The following COMMD9 variants were observed in gnomAD, a reference collection of about 807,000 sequenced individuals.
COMMD9 encodes COMM domain-containing protein 9.
Under a neutral mutation model 23.4 loss-of-function variants are expected in COMMD9, and 22 were observed. The ratio of observed to expected loss-of-function variants is 0.94; its 90% confidence interval spans 0.67 to 1.34. The LOEUF (loss-of-function observed/expected upper bound fraction) is 1.34, where lower values mean the gene tolerates loss of function less well. Among genes scored for constraint, COMMD9 ranks in the 40% most tolerant of loss-of-function variants. The probability of loss-of-function intolerance (pLI) is 0.00; values close to 1 mark genes in which losing one functional copy is unlikely to be tolerated. For missense variants in COMMD9, 231 were observed against 240.2 expected, an observed-to-expected ratio of 0.96 and a Z score of 0.25; for synonymous variants, 99 against 97.4, an observed-to-expected ratio of 1.02 and a Z score of -0.10.
chr11:36,276,088 G>GCCAT, intron 5 of COMMD9, 49 bp downstream of exon 5: 2 of 1,356,600 alleles, frequency 1.5e-6, no homozygotes, highest in Non-Finnish European at 2.1e-6. Flanking sequence ...GTTTTAGACG[G>GCCAT]CCATAGGGGT....
intron 2 of COMMD9, among the ~76,000 whole-genome samples, chr11:36,280,353 G>C (rs1856044781): frequency 6.6e-6 from 1 of 152,178 alleles, no homozygotes; most frequent in African/African-American, 2.4e-5. Context: ...ATGGAATCTA[G>C]CAGTGCCTAC....
At chr11:36,287,549 C>G (rs1400716492) in intron 1 of COMMD9, among the ~76,000 whole-genome samples, 1 of 150,962 alleles carries the variant, frequency 6.6e-6, no homozygotes, top group Non-Finnish European at 1.5e-5. Flanking sequence ...TGGGATCTCT[C>G]TATATTATTT....
chr11:36,277,677 C>G (rs145495053), intron 3 of COMMD9, among the ~76,000 whole-genome samples: 2 of 151,660 alleles, frequency 1.3e-5, no homozygotes, highest in African/African-American at 4.9e-5. Context: ...TTAAAATGTA[C>G]GTGTTTAAAA....
At chr11:36,278,223 G>T (rs1856006858) in intron 3 of COMMD9, 2 of 387,480 alleles carry the variant, frequency 5.2e-6, no homozygotes, top group African/African-American at 4.3e-5. Context: ...GATCCATTTT[G>T]TAAAAACAAA....
chr11:36,286,440 A>AT (rs1357238415), intron 1 of COMMD9, among the ~76,000 whole-genome samples: 1 of 31,768 alleles, frequency 3.1e-5, no homozygotes, highest in Non-Finnish European at 5.8e-5. Flanking sequence ...GAAAGAAAAG[A>AT]AAAAAAAAAT....
intron 1 of COMMD9, among the ~76,000 whole-genome samples, chr11:36,287,018 G>A (rs1264511592): frequency 3.3e-5 from 5 of 151,588 alleles, no homozygotes; most frequent in Non-Finnish European, 7.4e-5. Flanking sequence ...CCCCTATGCA[G>A]AACCATACAT....
chr11:36,279,014 AG>A lies in COMMD9; in HGVS notation c.178-399del, dbSNP rs1278336649. On this transcript the variant is annotated intron_variant, in intron 2 of 5. Coordinates refer to ENST00000263401, the MANE Select transcript of COMMD9 (RefSeq NM_014186.4). ...TACTAAGCAACACTGCATTGGTCCA[AG>A]GCTCTGGACTGAGAGGACTGCATAA... Among the ~76,000 whole-genome samples the A allele has an allele frequency of 1.7e-4, 26 of 152,320 alleles. No homozygotes were observed. The East Asian group carries it at 4.1e-3, about 24-fold the overall frequency.
At chr11:36,281,930 G>A (rs1169213098) in intron 1 of COMMD9, among the ~76,000 whole-genome samples, 7 of 151,968 alleles carry the variant, frequency 4.6e-5, no homozygotes, top group East Asian at 1.9e-4. Flanking sequence ...TTTTAAAATC[G>A]CCTCCTCAGC....
intron 1 of COMMD9, among the ~76,000 whole-genome samples, 161 bp from the exon 2 acceptor site, chr11:36,280,998 TA>T: frequency 6.6e-6 from 1 of 152,236 alleles, no homozygotes; most frequent in Non-Finnish European, 1.5e-5. Flanking sequence ...TACTTTTCCC[TA>T]ATCTTGCTGC....
At position 36,272,585 on chromosome 11, in the gene COMMD9, G is replaced by T. The variant is rs1221416456; in HGVS notation, c.*2047C>A. On this transcript the variant is annotated 3_prime_UTR_variant, in exon 6 of 6. Coordinates refer to ENST00000263401, the MANE Select transcript of COMMD9 (RefSeq NM_014186.4). Reference sequence around the variant, plus strand: ...GGGTATGACCAGGGGCTCTCAACTTGGAAGTAGCGGGCTGGCTTCTGGGGT... The same window carrying T: ...GGGTATGACCAGGGGCTCTCAACTTTGAAGTAGCGGGCTGGCTTCTGGGGT... The T allele has an allele frequency of 6.6e-6, 1 of 152,212 alleles. No individual in the cohort carries two copies. The highest frequency in any genetic ancestry group is 6.5e-5 in the Admixed American group (1 of 15,282). 9.4% of individuals were successfully genotyped at this position (152,212 alleles called of 1,614,324 possible).
chr11:36,280,950 T>C, intron 1 of COMMD9, 113 bp from the exon 2 acceptor site: 1 of 1,104,286 alleles, frequency 9.1e-7, no homozygotes, highest in South Asian at 2.0e-5. Flanking sequence ...ATTTTAAAGG[T>C]ACATAAGACT....
chr11:36,275,115 G>A (rs1393325270), intron 5 of COMMD9, among the ~76,000 whole-genome samples: 1 of 152,214 alleles, frequency 6.6e-6, no homozygotes, highest in East Asian at 1.9e-4. Flanking sequence ...AGCAGGTTCT[G>A]TTGGATACTT....
rs1432339090 is a variant in COMMD9 at position 36,280,768 on chromosome 11, T to C, written c.121A>G (p.Lys41Glu). Residue 41 changes from lysine (K) to glutamate (E), a missense_variant, in exon 2 of 6, where the codon AAA becomes GAA. Lys to Glu is a moderately conservative substitution (Grantham distance 56, BLOSUM62 1). Coordinates refer to ENST00000263401, the MANE Select transcript of COMMD9 (RefSeq NM_014186.4). ...CTGGAACATGTAACATCCAAGAGTTTTTTCAAGCCAAGGGCTGAACTGGAA... is the reference window on the plus strand; with the variant it reads ...CTGGAACATGTAACATCCAAGAGTTCTTTCAAGCCAAGGGCTGAACTGGAA... ...SFSSSALGLK[K>E]LLDVTCSSLS... The C allele has an allele frequency of 6.2e-7, 1 of 1,611,020 alleles. No homozygotes were observed. Among genetic ancestry groups the C allele is most frequent in the South Asian group, 1.1e-5 (1 of 90,730 alleles).
At chr11:36,288,528 C>T (rs1405594252) in intron 1 of COMMD9, among the ~76,000 whole-genome samples, 1 of 152,168 alleles carries the variant, frequency 6.6e-6, no homozygotes, top group African/African-American at 2.4e-5. Context: ...TCCGGCCAGG[C>T]GCGGTGGCTC....
At chr11:36,276,457 C>A in intron 4 of COMMD9, 1 of 485,222 alleles carries the variant, frequency 2.1e-6, no homozygotes, top group Non-Finnish European at 3.7e-6. Flanking sequence ...TTCACAGTGG[C>A]AGCGTATCCA....
chr11:36,284,802 G>A (rs1255629399), intron 1 of COMMD9, among the ~76,000 whole-genome samples: 1 of 152,000 alleles, frequency 6.6e-6, no homozygotes, highest in Non-Finnish European at 1.5e-5. Context: ...GAAGTCTCAG[G>A]GATATTTTAA....
In COMMD9 at chr11:36,274,082, T is replaced by C; in HGVS notation, c.*550A>G. 1 of 349,510 alleles carries C rather than the reference T, an allele frequency of 2.9e-6. No homozygotes were observed. The highest frequency in any genetic ancestry group is 2.2e-5 in the South Asian group (1 of 45,904). The allele number at this position is 349,510 out of a possible 1,614,324, so 21.7% of individuals were successfully genotyped here. ...AGGGAATTAGCACCCATTTCAGACT[T>C]CCTACACTGAAGAGGGGTTCCAGTA... On this transcript the variant is annotated 3_prime_UTR_variant, in exon 6 of 6. Transcript: ENST00000263401.
rs1446225385 is a variant in COMMD9, at chr11:36,272,410, C to T, written c.*2222G>A. 1.3e-5 allele frequency: 2 copies of T among 152,638 alleles called. No individual in the cohort carries two copies. Among genetic ancestry groups the T allele is most frequent in the Non-Finnish European group, 2.9e-5 (2 of 68,400 alleles). The allele number at this position is 152,638 out of a possible 1,614,324, so 9.5% of individuals were successfully genotyped here. On this transcript the variant is annotated 3_prime_UTR_variant, in exon 6 of 6. Coordinates refer to ENST00000263401, the MANE Select transcript of COMMD9 (RefSeq NM_014186.4). Reference sequence around the variant, plus strand: ...TAGAGGAAATGTCCAACTGCCCAGACACCTATACTGGGCTTCTTGCTTCAA... The same window carrying T: ...TAGAGGAAATGTCCAACTGCCCAGATACCTATACTGGGCTTCTTGCTTCAA...
chr11:36,280,633 G>C, intron 2 of COMMD9, 79 bp downstream of exon 2: 1 of 1,395,862 alleles, frequency 7.2e-7, no homozygotes, highest in Non-Finnish European at 9.6e-7. Context: ...ATTTTCCTTG[G>C]ACATGGCAAT....
Sources: gnomAD v4.1 joint callset for allele counts (sites outside exome capture counted in the v4.1 genomes callset) on GRCh38, gnomAD v4.1.1 for gene constraint, MANE v1.5 for transcripts, NCBI Gene and HGNC (gene_info 2026-07-23, HGNC 2026-07-21) for gene names.